C2CD3: variants seen among roughly 807,000 people sequenced by gnomAD.
C2CD3 encodes C2 domain-containing protein 3.
A neutral mutation model predicts 234.0 loss-of-function variants in C2CD3; 148 were observed. The ratio of observed to expected loss-of-function variants is 0.63; its 90% CI spans 0.55 to 0.72. The LOEUF (loss-of-function observed/expected upper bound fraction) is 0.72, where lower values mean the gene tolerates loss of function less well. Ranked by LOEUF, C2CD3 falls within the 30% of genes least tolerant of loss-of-function variation. The probability of loss-of-function intolerance (pLI) is 0.00; values close to 1 mark genes in which losing one functional copy is unlikely to be tolerated. For missense variants in C2CD3, 2,577 were observed against 2,811.5 expected (o/e 0.92, Z 1.89); for synonymous variants, 1,000 against 1,035.4 (o/e 0.97, Z 0.66).
chr11:74,148,389 CATAA>C (rs1855357327), intron 3 of C2CD3, among the ~76,000 whole-genome samples: 1 of 151,196 alleles, frequency 6.6e-6, no homozygotes. Context: ...TGTATATATA[CATAA>C]ATATCTTATA....
Position 74,037,586 on chromosome 11 carries a change from T to C in C2CD3, c.5773A>G (p.Ser1925Gly). The C allele has an allele frequency of 6.2e-7, 1 of 1,613,804 alleles. No individual in the cohort carries two copies. Among genetic ancestry groups the C allele is most frequent in the Non-Finnish European group, 8.5e-7 (1 of 1,179,830 alleles). The change falls in exon 30 of 33, where the codon AGC (serine) becomes GGC (glycine). Residue 1925 changes from serine to glycine, a missense_variant. Physicochemically the swap from Ser to Gly is moderately conservative, Grantham distance 56 (BLOSUM62 0). Coordinates refer to ENST00000334126, the MANE Select transcript of C2CD3 (RefSeq NM_001286577.2). Reference sequence around the variant, plus strand: ...CCTGGCCCAAGATGGTCCCTACAGCTCTCCTGGTGCTGTGAGATGGCCGTT... The same window carrying C: ...CCTGGCCCAAGATGGTCCCTACAGCCCTCCTGGTGCTGTGAGATGGCCGTT... ...TQTAISQHQESCRDHLGPGAS... is the reference protein window; with the variant it reads ...TQTAISQHQEGCRDHLGPGAS...
At chr11:74,156,344 C>T (rs994176819) in intron 3 of C2CD3, among the ~76,000 whole-genome samples, 1 of 151,316 alleles carries the variant, frequency 6.6e-6, no homozygotes, top group Non-Finnish European at 1.5e-5. Context: ...TGCCTGTAGT[C>T]CCCACTACTA....
chr11:74,032,077 T>C (rs966554658), intron 31 of C2CD3, among the ~76,000 whole-genome samples: 1 of 152,172 alleles, frequency 6.6e-6, no homozygotes, highest in Non-Finnish European at 1.5e-5. Context: ...CATTTACCAA[T>C]CCCTTCTCTG....
chr11:74,127,304 G>T (rs1306502384), intron 7 of C2CD3, among the ~76,000 whole-genome samples: 2 of 152,178 alleles, frequency 1.3e-5, no homozygotes, highest in African/African-American at 4.8e-5. Flanking sequence ...CGCCCGGCCT[G>T]GCTTCTTTCA....
At chr11:74,136,200 C>T (rs1389270350) in intron 5 of C2CD3, among the ~76,000 whole-genome samples, 1 of 152,060 alleles carries the variant, frequency 6.6e-6, no homozygotes, top group Non-Finnish European at 1.5e-5. Context: ...GAAGGTTATC[C>T]AGCCCACACT....
In C2CD3 at chr11:74,139,597, G is replaced by A. The variant is rs1172668633; in HGVS notation, c.707+8C>T. Reference sequence around the variant, plus strand: ...GACAGATTGACTGGTATTAGGTATGGTAATTACCTCGGAGTGGTTGATCTA... The same window carrying A: ...GACAGATTGACTGGTATTAGGTATGATAATTACCTCGGAGTGGTTGATCTA... On this transcript the variant is annotated splice_region_variant and intron_variant, in intron 4 of 32. Coordinates refer to ENST00000334126, the MANE Select transcript of C2CD3 (RefSeq NM_001286577.2). 1 of 1,571,476 alleles carries A rather than the reference G, an allele frequency of 6.4e-7. No individual in the cohort carries two copies. The highest frequency in any genetic ancestry group is 1.7e-5 in the Admixed American group (1 of 59,956).
intron 3 of C2CD3, among the ~76,000 whole-genome samples, chr11:74,159,487 T>C (rs1366099119): frequency 3.9e-5 from 6 of 152,180 alleles, no homozygotes; most frequent in African/African-American, 1.4e-4. Flanking sequence ...CCTGACCCTG[T>C]GTAGGCTTAG....
chr11:74,055,223 CAGTAAGT>C (rs1953899686), intron 25 of C2CD3, among the ~76,000 whole-genome samples: 1 of 152,178 alleles, frequency 6.6e-6, no homozygotes, highest in Non-Finnish European at 1.5e-5. Flanking sequence ...ACTTAAGAGT[CAGTAAGT>C]AGTAGGGCTA....
At position 74,139,020 on chromosome 11, in the gene C2CD3, A is replaced by G. The variant is rs1021466608; in HGVS notation, c.708-53T>C. The stretch of plus-strand genomic sequence containing the variant: ...GCAATATATAATCTATTATGGTAAC[A>G]TTCTATTTTGTCAGAGACAGAAAGT... On this transcript the variant is annotated intron_variant, in intron 4 of 32. Coordinates refer to ENST00000334126, the MANE Select transcript of C2CD3 (RefSeq NM_001286577.2). 4 of 1,470,538 alleles carry G rather than the reference A, an allele frequency of 2.7e-6. No individual in the cohort carries two copies. The African/African-American group carries it at 5.6e-5, about 21-fold the overall frequency. 91.1% of individuals were successfully genotyped at this position (1,470,538 alleles called of 1,614,324 possible). A position where few individuals can be genotyped will look rare whatever the true frequency, so the allele number is the denominator to read the frequency against.
Position 74,133,466 on chromosome 11 carries a change from A to T in C2CD3, c.1047T>A (p.Val349=). The change falls in exon 6 of 33, where the codon GTT becomes GTA. Residue 349 remains valine, a synonymous_variant. Coordinates refer to ENST00000334126, the MANE Select transcript of C2CD3 (RefSeq NM_001286577.2). ...GAGAATCTTCATTAATAGGAGGATGAACTTGGTCCAACAACATGCTGGTCT... is the reference window on the plus strand; with the variant it reads ...GAGAATCTTCATTAATAGGAGGATGTACTTGGTCCAACAACATGCTGGTCT... ...SPETSMLLDQ[V]HPPINEDSLR... 1 of 1,613,780 alleles carries T rather than the reference A, an allele frequency of 6.2e-7. No individual in the cohort carries two copies.
At position 74,023,663 on chromosome 11, in the gene C2CD3, CT is replaced by C. The variant is rs1180435138; in HGVS notation, c.6921+4623del. ...CCACACCCTTTCTTTTCCCCCTCTC[CT>C]TTTTCTCTCCCACTCCTGTGTCTTC... On this transcript the variant is annotated intron_variant, in intron 32 of 32. Transcript: ENST00000334126. 2.6e-5 allele frequency among the ~76,000 whole-genome samples: 4 copies of C among 151,868 alleles called. No homozygotes were observed. In the East Asian group the frequency reaches 7.7e-4, roughly 29 times the overall value.
chr11:74,148,420 C>T (rs1855362157), intron 3 of C2CD3, among the ~76,000 whole-genome samples: 1 of 151,216 alleles, frequency 6.6e-6, no homozygotes, highest in Non-Finnish European at 1.5e-5. Flanking sequence ...TATATACACA[C>T]ATATACCTTA....
chr11:74,028,524 A>T (rs1182893706), intron 31 of C2CD3, 126 bp from the exon 32 acceptor site: 2 of 651,964 alleles, frequency 3.1e-6, no homozygotes, highest in Admixed American at 6.0e-5. Flanking sequence ...CTTGTCCATA[A>T]ATTCTTTGCT....
intron 24 of C2CD3, among the ~76,000 whole-genome samples, chr11:74,073,616 CA>C (rs1237493826): frequency 6.9e-5 from 10 of 145,650 alleles, no homozygotes; most frequent in Non-Finnish European, 1.5e-4. Flanking sequence ...TCAAAACAAA[CA>C]AAAAAACCCC....
intron 23 of C2CD3, among the ~76,000 whole-genome samples, chr11:74,075,041 G>A (rs956666298): frequency 6.6e-6 from 1 of 152,204 alleles, no homozygotes; most frequent in Middle Eastern, 3.4e-3. Context: ...CCATGACTGC[G>A]CCACTGCACT....
At chr11:74,107,070 C>T (rs1956551594) in intron 12 of C2CD3, among the ~76,000 whole-genome samples, 1 of 152,154 alleles carries the variant, frequency 6.6e-6, no homozygotes, top group Admixed American at 6.5e-5. Context: ...GCCTGTAATC[C>T]CAGCACTTTG....
At chr11:74,015,200 G>C (rs1443973622) in intron 32 of C2CD3, among the ~76,000 whole-genome samples, 1 of 152,220 alleles carries the variant, frequency 6.6e-6, no homozygotes, top group Non-Finnish European at 1.5e-5. Flanking sequence ...ATCCCAGCGA[G>C]GCCAGTTCCA....
intron 3 of C2CD3, among the ~76,000 whole-genome samples, chr11:74,145,570 T>C (rs1438837017): frequency 2.0e-5 from 3 of 152,222 alleles, no homozygotes; most frequent in South Asian, 4.1e-4. Context: ...GTCCCAGTTG[T>C]CAATTTTTGC....
rs1953567953 is a variant in C2CD3, at chr11:74,049,483, G to A, written c.5215C>T (p.Gln1739Ter). The A allele has an allele frequency of 1.9e-6, 3 of 1,613,106 alleles. No individual in the cohort carries two copies. In the African/African-American group the frequency reaches 4.0e-5, roughly 22 times the overall value. ...ATGTTGTACCAGCCACAGACAAACTGGAAGCCAGAGAGAAGTGGGGAGAGG... is the reference window on the plus strand; with the variant it reads ...ATGTTGTACCAGCCACAGACAAACTAGAAGCCAGAGAGAAGTGGGGAGAGG... ...VDLSPLLSGF[Q>*]FVCGWYNITD... Residue 1739 changes from glutamine (Q) to a stop codon, truncating the protein, a stop_gained, in exon 27 of 33, where the codon CAG becomes TAG. Coordinates refer to ENST00000334126, the MANE Select transcript of C2CD3 (RefSeq NM_001286577.2). LOFTEE classifies it high-confidence loss of function.
Sources: allele counts gnomAD v4.1 joint callset (sites outside exome capture counted in the v4.1 genomes callset), GRCh38; gene constraint gnomAD v4.1.1; transcripts MANE v1.5; gene names NCBI Gene and HGNC (gene_info 2026-07-23, HGNC 2026-07-21).